The following SOX6 variants were observed in gnomAD, a reference collection of about 807,000 sequenced individuals.
SOX6 encodes the protein transcription factor SOX-6.
SOX6 carries 11 observed loss-of-function variants against 97.8 expected under a neutral mutation model. That is an observed-to-expected ratio of 0.11 (90% CI 0.07 to 0.19). The LOEUF (loss-of-function observed/expected upper bound fraction) is 0.19. Ranked by LOEUF, SOX6 falls within the 10% of genes least tolerant of loss-of-function variation. SOX6 has a pLI of 1.00. For synonymous variants in SOX6, 360 were observed against 371.4 expected, an observed-to-expected ratio of 0.97 and a Z score of 0.35; for missense variants, 810 against 1,039.5, an observed-to-expected ratio of 0.78 and a Z score of 3.04.
chr11:15,971,779 G>A lies in SOX6; in HGVS notation c.*1030C>T. On this transcript the variant is annotated 3_prime_UTR_variant, in exon 16 of 16. Coordinates refer to ENST00000683767, the MANE Select transcript of SOX6 (RefSeq NM_001367873.1). ...CGGAAAAGTTCTTCGGGGAAGGAAG[G>A]TGAAAAACAAGAATTATTAAATTAA... 1 of 152,518 alleles carries A rather than the reference G, an allele frequency of 6.6e-6. No individual in the cohort carries two copies. The highest frequency in any genetic ancestry group is 2.1e-4 in the South Asian group (1 of 4,820). 9.4% of individuals were successfully genotyped at this position (152,518 alleles called of 1,614,324 possible).
At chr11:16,391,454 A>T (rs1430381154) in intron 1 of SOX6, among the ~76,000 whole-genome samples, 2 of 152,162 alleles carry the variant, frequency 1.3e-5, no homozygotes, top group Non-Finnish European at 2.9e-5. Flanking sequence ...ACAAATTTGT[A>T]AGATTCTTGC....
At chr11:16,534,920 T>C (rs946790127) in intron 4 of SOX6, among the ~76,000 whole-genome samples, 4 of 152,224 alleles carry the variant, frequency 2.6e-5, no homozygotes, top group Non-Finnish European at 4.4e-5. Flanking sequence ...TGGTACTTAA[T>C]GTCCACATAA....
chr11:16,209,930 T>C (rs923922128), intron 4 of SOX6, among the ~76,000 whole-genome samples: 2 of 152,182 alleles, frequency 1.3e-5, no homozygotes, highest in Non-Finnish European at 2.9e-5. Context: ...TTTCTCCATA[T>C]ATAAAAATAA....
chr11:16,119,138 A>G (rs1849426602), intron 6 of SOX6, among the ~76,000 whole-genome samples: 1 of 152,176 alleles, frequency 6.6e-6, no homozygotes, highest in South Asian at 2.1e-4. Context: ...TTACCACTGT[A>G]AAAGCTGCAC....
intron 1 of SOX6, among the ~76,000 whole-genome samples, chr11:16,388,718 C>A (rs1858071677): frequency 6.6e-6 from 1 of 151,352 alleles, no homozygotes; most frequent in Non-Finnish European, 1.5e-5. Context: ...AGTGATAATT[C>A]CTCTTTCATT....
chr11:16,008,997 T>A (rs1038829861), intron 13 of SOX6, among the ~76,000 whole-genome samples: 4 of 152,068 alleles, frequency 2.6e-5, no homozygotes, highest in Non-Finnish European at 5.9e-5. Context: ...TGCCTATTCA[T>A]TTCTCTGAAA....
At chr11:16,580,845 A>G (rs1848026422) in intron 4 of SOX6, among the ~76,000 whole-genome samples, 1 of 152,222 alleles carries the variant, frequency 6.6e-6, no homozygotes, top group Non-Finnish European at 1.5e-5. Flanking sequence ...ATATGAAAAA[A>G]AGCTCAACGT....
chr11:16,608,893 G>A (rs1016471119), intron 4 of SOX6, among the ~76,000 whole-genome samples: 2 of 152,098 alleles, frequency 1.3e-5, no homozygotes, highest in African/African-American at 4.8e-5. Context: ...CAAGAGGGGT[G>A]GTTTAAAGGT....
chr11:16,125,831 G>C (rs951092984), intron 6 of SOX6, among the ~76,000 whole-genome samples: 1 of 146,076 alleles, frequency 6.8e-6, no homozygotes, highest in Non-Finnish European at 1.5e-5. Flanking sequence ...AGGAAGGAAG[G>C]AAGGAAGGAA....
intron 12 of SOX6, among the ~76,000 whole-genome samples, chr11:16,029,562 G>T (rs1855306682): frequency 6.6e-6 from 1 of 151,794 alleles, no homozygotes; most frequent in Admixed American, 6.6e-5. Context: ...CCTGAACCTG[G>T]AAGGCGGAGG....
At chr11:16,560,956 T>C (rs1046299176) in intron 4 of SOX6, among the ~76,000 whole-genome samples, 1 of 152,062 alleles carries the variant, frequency 6.6e-6, no homozygotes. Context: ...ATAATGGTCT[T>C]TGGGGCTTGG....
chr11:16,353,841 T>G (rs1263692954), intron 1 of SOX6, among the ~76,000 whole-genome samples: 1 of 152,042 alleles, frequency 6.6e-6, no homozygotes, highest in Admixed American at 6.6e-5. Flanking sequence ...TAGGAAAGAA[T>G]CCTGCATTAT....
chr11:16,425,777 AAGG>A (rs1215338524), intron 1 of SOX6, among the ~76,000 whole-genome samples: 3 of 152,190 alleles, frequency 2.0e-5, no homozygotes, highest in East Asian at 1.9e-4. Context: ...AGATCTCTAC[AAGG>A]AGAACTACAA....
chr11:16,059,640 T>C lies in SOX6; in HGVS notation c.1102-3739A>G, dbSNP rs573047592. Among the ~76,000 whole-genome samples, 6 of 152,116 alleles carry C rather than the reference T, an allele frequency of 3.9e-5. No homozygotes were observed. In the South Asian group the frequency reaches 1.0e-3, roughly 26 times the overall value. ...TTTCTTTGGAACAATTTTTCTAATA[T>C]AACAAGCCTCTAAAGAAATTAAAGT... On this transcript the variant is annotated intron_variant, in intron 9 of 15. Coordinates refer to ENST00000683767, the MANE Select transcript of SOX6 (RefSeq NM_001367873.1).
At chr11:16,314,488 C>T (rs1430298429) in intron 3 of SOX6, 1 of 151,976 alleles carries the variant, frequency 6.6e-6, no homozygotes, top group African/African-American at 2.4e-5. Context: ...TTTTTATATG[C>T]CTTATATCTC....
intron 9 of SOX6, among the ~76,000 whole-genome samples, chr11:16,093,557 T>C (rs1174134587): frequency 1.3e-5 from 2 of 151,974 alleles, no homozygotes; most frequent in Non-Finnish European, 2.9e-5. Flanking sequence ...AAATTAACTG[T>C]AACATGAAGT....
intron 1 of SOX6, among the ~76,000 whole-genome samples, chr11:16,452,686 G>A (rs1015443681): frequency 2.0e-5 from 3 of 152,026 alleles, no homozygotes; most frequent in African/African-American, 7.2e-5. Context: ...GAGATTTCCT[G>A]GGACTTTGCT....
chr11:16,115,438 G>A (rs1198753903), intron 6 of SOX6, among the ~76,000 whole-genome samples: 1 of 152,142 alleles, frequency 6.6e-6, no homozygotes, highest in African/African-American at 2.4e-5. Context: ...TTAAAACACA[G>A]ATTGCTTCCT....
At chr11:16,671,431 T>C (rs1299995415) in intron 3 of SOX6, among the ~76,000 whole-genome samples, 2 of 152,038 alleles carry the variant, frequency 1.3e-5, no homozygotes, top group Admixed American at 1.3e-4. Flanking sequence ...AAGGATGAAA[T>C]AGCCAGTACA....
Sources: gnomAD v4.1 joint callset for allele counts (sites outside exome capture counted in the v4.1 genomes callset) on GRCh38, gnomAD v4.1.1 for gene constraint, MANE v1.5 for transcripts, NCBI Gene and HGNC (gene_info 2026-07-23, HGNC 2026-07-21) for gene names.